GALNTL6: variants seen among roughly 807,000 people sequenced by gnomAD.
GALNTL6 encodes polypeptide N-acetylgalactosaminyltransferase like 6.
In GALNTL6, 46 loss-of-function variants were observed where a neutral mutation model predicts 73.7. The ratio of observed to expected loss-of-function variants is 0.62; its 90% CI spans 0.49 to 0.80. GALNTL6 has a LOEUF of 0.80. Ranked by LOEUF, GALNTL6 falls within the 30% of genes least tolerant of loss-of-function variation. GALNTL6 has a pLI of 0.00. For synonymous variants in GALNTL6, 259 were observed against 263.7 expected, an observed-to-expected ratio of 0.98 and a Z score of 0.17; for missense variants, 604 against 755.0, an observed-to-expected ratio of 0.80 and a Z score of 2.34.
chr4:171,954,338 A>T (rs962915640), intron 2 of GALNTL6, among the ~76,000 whole-genome samples: 3 of 152,234 alleles, frequency 2.0e-5, no homozygotes, highest in Non-Finnish European at 4.4e-5. Context: ...TTTGTAGCAT[A>T]TAAAAACACA....
At chr4:171,833,475 A>G (rs865807210) in intron 2 of GALNTL6, among the ~76,000 whole-genome samples, 2 of 151,756 alleles carry the variant, frequency 1.3e-5, no homozygotes, top group Non-Finnish European at 3.0e-5. Flanking sequence ...ATACCTGGCT[A>G]AAATCTTAAT....
intron 2 of GALNTL6, among the ~76,000 whole-genome samples, chr4:172,146,721 G>A (rs2110751066): frequency 6.6e-6 from 1 of 152,218 alleles, no homozygotes; most frequent in Middle Eastern, 3.4e-3. Context: ...AGTTCTGTCA[G>A]GGCAGGGACC....
intron 5 of GALNTL6, among the ~76,000 whole-genome samples, chr4:172,538,820 A>G (rs1338341242): frequency 1.3e-5 from 2 of 152,240 alleles, no homozygotes; most frequent in Non-Finnish European, 2.9e-5. Flanking sequence ...AATGACATAA[A>G]GAGTCATAGA....
At chr4:172,670,137 C>T (rs1731893764) in intron 5 of GALNTL6, among the ~76,000 whole-genome samples, 1 of 152,082 alleles carries the variant, frequency 6.6e-6, no homozygotes, top group African/African-American at 2.4e-5. Flanking sequence ...CATATGCGTT[C>T]ATGTATCTTT....
At chr4:171,965,643 G>C (rs4692909) in intron 2 of GALNTL6, among the ~76,000 whole-genome samples, 16 of 126,442 alleles carry the variant, frequency 1.3e-4, no homozygotes, top group African/African-American at 4.7e-4. Flanking sequence ...GCGACAGAGC[G>C]AGACTCCGTC....
At chr4:171,916,664 A>G (rs989605785) in intron 2 of GALNTL6, among the ~76,000 whole-genome samples, 1 of 152,124 alleles carries the variant, frequency 6.6e-6, no homozygotes, top group Admixed American at 6.6e-5. Flanking sequence ...GCGCTTCTTC[A>G]TATGTATTTT....
At chr4:172,306,250 A>T (rs1740133391) in intron 3 of GALNTL6, among the ~76,000 whole-genome samples, 1 of 152,038 alleles carries the variant, frequency 6.6e-6, no homozygotes, top group Non-Finnish European at 1.5e-5. Context: ...TTAGCTGGGC[A>T]TGGTGGCAGG....
intron 2 of GALNTL6, among the ~76,000 whole-genome samples, chr4:172,104,713 G>A (rs1051435355): frequency 4.6e-5 from 7 of 152,136 alleles, no homozygotes; most frequent in Non-Finnish European, 8.8e-5. Context: ...TCATAAGAGT[G>A]GGTTGATAGT....
intron 8 of GALNTL6, among the ~76,000 whole-genome samples, chr4:172,916,647 A>G (rs955961845): frequency 6.6e-6 from 1 of 152,210 alleles, no homozygotes; most frequent in African/African-American, 2.4e-5. Flanking sequence ...CCCATTCACA[A>G]TTGCTTCAAA....
intron 5 of GALNTL6, among the ~76,000 whole-genome samples, chr4:172,651,203 C>A (rs1048218388): frequency 6.6e-6 from 1 of 152,128 alleles, no homozygotes; most frequent in Non-Finnish European, 1.5e-5. Context: ...ACAGTAGGAC[C>A]TGAAGCCATG....
Position 172,096,271 on chromosome 4 carries a change from T to C in GALNTL6, c.139-133385T>C, listed in dbSNP as rs148232064. On this transcript the variant is annotated intron_variant, in intron 2 of 12. Transcript: ENST00000506823. ...GGTGCATGCCCCCATGCCTGGCTAA[T>C]TGTTTAGAGACAGGGGTCTCACTAT... is the stretch of plus-strand genomic sequence containing the variant. Among the ~76,000 whole-genome samples, 465 of 152,136 alleles carry C rather than the reference T, an allele frequency of 3.1e-3. 3 individuals are homozygous for C. Among genetic ancestry groups the C allele is most frequent in the Non-Finnish European group, 4.6e-3 (315 of 67,978 alleles).
intron 2 of GALNTL6, among the ~76,000 whole-genome samples, chr4:172,079,834 T>C (rs1731823676): frequency 6.8e-6 from 1 of 146,332 alleles, no homozygotes; most frequent in Non-Finnish European, 1.5e-5. Context: ...AACACAACAC[T>C]TTTTTTTTTA....
chr4:172,088,514 T>C (rs1211759603), intron 2 of GALNTL6, among the ~76,000 whole-genome samples: 1 of 152,200 alleles, frequency 6.6e-6, no homozygotes. Flanking sequence ...GTCTGAGGGA[T>C]AGTAAATGCT....
At chr4:172,402,950 C>T (rs886122373) in intron 5 of GALNTL6, among the ~76,000 whole-genome samples, 2 of 152,076 alleles carry the variant, frequency 1.3e-5, no homozygotes, top group African/African-American at 4.8e-5. Flanking sequence ...GCATTTAAAC[C>T]TGGACATTCA....
intron 5 of GALNTL6, among the ~76,000 whole-genome samples, chr4:172,773,977 G>A (rs909347105): frequency 1.8e-4 from 19 of 106,996 alleles, no homozygotes; most frequent in Non-Finnish European, 4.1e-4. Context: ...GAGACTTAAG[G>A]GAAAAAAAAA....
At chr4:171,849,062 A>G (rs1027111765) in intron 2 of GALNTL6, among the ~76,000 whole-genome samples, 6 of 152,104 alleles carry the variant, frequency 3.9e-5, no homozygotes, top group Admixed American at 3.3e-4. Context: ...TTTCCTTTGC[A>G]TTCACAACTT....
chr4:172,784,866 T>G (rs1739569421), intron 5 of GALNTL6, among the ~76,000 whole-genome samples: 1 of 152,182 alleles, frequency 6.6e-6, no homozygotes, highest in Non-Finnish European at 1.5e-5. Context: ...GCTACCCCTA[T>G]GCAGCAAATG....
chr4:172,913,653 T>G (rs1489371985), intron 8 of GALNTL6, among the ~76,000 whole-genome samples: 1 of 151,666 alleles, frequency 6.6e-6, no homozygotes, highest in Admixed American at 6.6e-5. Context: ...TGACTGAAGA[T>G]CAAATGAATG....
chr4:172,844,262 G>A lies in GALNTL6; in HGVS notation c.923+30539G>A, dbSNP rs575768123. On this transcript the variant is annotated intron_variant, in intron 7 of 12. Coordinates refer to ENST00000506823, the MANE Select transcript of GALNTL6 (RefSeq NM_001034845.3). ...CTGGGAAAGGCACTGGCTCAACTGC[G>A]TGTTACTACAGCTGACCTTTGAAAT... 9.2e-5 allele frequency among the ~76,000 whole-genome samples: 14 copies of A among 152,228 alleles called. No homozygotes were observed. The South Asian group carries it at 1.9e-3, about 20-fold the overall frequency.
Sources: allele counts gnomAD v4.1 joint callset (sites outside exome capture counted in the v4.1 genomes callset), GRCh38; gene constraint gnomAD v4.1.1; transcripts MANE v1.5; gene names NCBI Gene and HGNC (gene_info 2026-07-23, HGNC 2026-07-21).